RAD51B: variants seen among roughly 807,000 people sequenced by gnomAD.
RAD51B encodes the protein RAD51 paralog B.
Under a neutral mutation model 42.2 loss-of-function variants are expected in RAD51B, and 38 were observed. That is an observed-to-expected ratio of 0.90 (90% CI 0.70 to 1.18). The LOEUF is 1.18. Among genes scored for constraint, RAD51B ranks in the 50% most tolerant of loss-of-function variants. RAD51B has a pLI of 0.00. For synonymous variants in RAD51B, 154 were observed against 145.2 expected (o/e 1.06, Z -0.43); for missense variants, 373 against 400.7 (o/e 0.93, Z 0.59).
chr14:68,552,737 T>G lies in RAD51B; in HGVS notation c.1037-41748T>G, dbSNP rs139478941. Among the ~76,000 whole-genome samples, 13 of 152,320 alleles carry G rather than the reference T, an allele frequency of 8.5e-5. No individual in the cohort carries two copies. The East Asian group carries it at 2.5e-3, about 29-fold the overall frequency. On this transcript the variant is annotated intron_variant, in intron 10 of 10. Coordinates refer to the RAD51B transcript ENST00000487270. Reference sequence around the variant, plus strand: ...GTAATAACACGTTTCTGTGGAGGCATTTCCATTCTCCACGCCTCAGTTCCC... The same window carrying G: ...GTAATAACACGTTTCTGTGGAGGCAGTTCCATTCTCCACGCCTCAGTTCCC...
At chr14:68,304,977 A>G (rs979225324) in intron 8 of RAD51B, among the ~76,000 whole-genome samples, 1 of 152,178 alleles carries the variant, frequency 6.6e-6, no homozygotes, top group Non-Finnish European at 1.5e-5. Context: ...ATAACCCATC[A>G]TTTTTTAGCA....
intron 7 of RAD51B, among the ~76,000 whole-genome samples, chr14:68,239,085 A>G (rs190353613): frequency 6.6e-6 from 1 of 152,356 alleles, no homozygotes; most frequent in Admixed American, 6.5e-5. Flanking sequence ...AAGTTCACAT[A>G]GATAACTAAG....
intron 8 of RAD51B, among the ~76,000 whole-genome samples, chr14:68,314,971 A>C (rs2082027428): frequency 6.6e-6 from 1 of 152,180 alleles, no homozygotes; most frequent in Non-Finnish European, 1.5e-5. Flanking sequence ...TGTGTATCTC[A>C]ACCAAGAAGA....
In RAD51B at chr14:68,348,727, G is replaced by A. The variant is rs1056149833; in HGVS notation, c.853+56747G>A. Among the ~76,000 whole-genome samples, 6 of 152,280 alleles carry A rather than the reference G, an allele frequency of 3.9e-5. No individual in the cohort carries two copies. The South Asian group carries it at 6.2e-4, about 16-fold the overall frequency. On this transcript the variant is annotated intron_variant, in intron 8 of 10. Transcript: ENST00000471583. ...ATCCTGGCTAACAGGGTGAAACCCC[G>A]TCTCTACTAAAATACAAAAAAATTA... is the stretch of plus-strand genomic sequence containing the variant.
chr14:68,166,279 A>G (rs1013754882), intron 7 of RAD51B, among the ~76,000 whole-genome samples: 2 of 151,604 alleles, frequency 1.3e-5, no homozygotes, highest in Admixed American at 1.3e-4. Context: ...TAAAGTTCTC[A>G]TAGTCCGAAG....
intron 10 of RAD51B, among the ~76,000 whole-genome samples, chr14:68,569,503 A>G (rs1566940736): frequency 1.3e-5 from 2 of 152,196 alleles, no homozygotes; most frequent in Admixed American, 6.5e-5. Flanking sequence ...TTTTCATTGT[A>G]TGGGGCTCAC....
At chr14:68,562,448 C>T in intron 10 of RAD51B, 13 of 982,548 alleles carry the variant, frequency 1.3e-5, no homozygotes, top group Non-Finnish European at 1.6e-5. Context: ...TTTGCCATGT[C>T]AGCTGTGGGG....
intron 5 of RAD51B, among the ~76,000 whole-genome samples, chr14:67,870,287 G>A (rs1331615737): frequency 3.3e-5 from 5 of 152,184 alleles, no homozygotes; most frequent in South Asian, 2.1e-4. Flanking sequence ...GTTGCAATCC[G>A]AATCTCTGAT....
chr14:68,351,206 T>C (rs529788258), intron 8 of RAD51B, among the ~76,000 whole-genome samples: 2 of 152,226 alleles, frequency 1.3e-5, no homozygotes, highest in South Asian at 2.1e-4. Flanking sequence ...CATAGGACAG[T>C]GGCATTTTGA....
intron 10 of RAD51B, among the ~76,000 whole-genome samples, chr14:68,543,505 A>G (rs1888072079): frequency 6.6e-6 from 1 of 152,246 alleles, no homozygotes; most frequent in African/African-American, 2.4e-5. Flanking sequence ...GGTTGGGTAC[A>G]AGATTAAATG....
intron 10 of RAD51B, among the ~76,000 whole-genome samples, chr14:68,491,238 T>TTCC (rs1216545002): frequency 1.3e-5 from 2 of 152,164 alleles, no homozygotes; most frequent in South Asian, 4.1e-4. Flanking sequence ...GCAGCCGCCC[T>TTCC]TCCTCCTCCT....
chr14:67,867,700 G>A (rs1309656531), intron 5 of RAD51B, among the ~76,000 whole-genome samples: 1 of 152,220 alleles, frequency 6.6e-6, no homozygotes, highest in South Asian at 2.1e-4. Flanking sequence ...TCATAGCGAG[G>A]AAGAAGTGGA....
chr14:68,411,283 C>A, intron 8 of RAD51B, 141 bp from the exon 9 acceptor site: 1 of 695,764 alleles, frequency 1.4e-6, no homozygotes, highest in Non-Finnish European at 2.5e-6. Context: ...TCCTACTTCA[C>A]TGATTCCTCA....
At chr14:67,893,492 ACACACACAC>A (rs1566945236) in intron 7 of RAD51B, among the ~76,000 whole-genome samples, 6 of 81,242 alleles carry the variant, frequency 7.4e-5, no homozygotes, top group African/African-American at 3.1e-4. Flanking sequence ...ACACACACAC[ACACACACAC>A]ACACACACAA....
At chr14:67,863,722 C>T (rs146522081) in intron 4 of RAD51B, among the ~76,000 whole-genome samples, 259 of 152,160 alleles carry the variant, frequency 1.7e-3, no homozygotes, top group African/African-American at 6.1e-3. Flanking sequence ...ATTTGGGCGC[C>T]ACAACTAATG....
chr14:68,677,605 C>G (rs899426919), intron 11 of RAD51B, among the ~76,000 whole-genome samples: 2 of 152,170 alleles, frequency 1.3e-5, no homozygotes, highest in African/African-American at 4.8e-5. Context: ...AACCTTGTGT[C>G]CTTTATTCTT....
At chr14:68,015,748 T>A (rs1021724230) in intron 7 of RAD51B, among the ~76,000 whole-genome samples, 1 of 152,122 alleles carries the variant, frequency 6.6e-6, no homozygotes, top group Non-Finnish European at 1.5e-5. Context: ...CCAAACCATA[T>A]CAGGTGGAGA....
chr14:68,566,901 G>A (rs1889449030), intron 10 of RAD51B, among the ~76,000 whole-genome samples: 1 of 152,010 alleles, frequency 6.6e-6, no homozygotes, highest in Non-Finnish European at 1.5e-5. Context: ...ACCAGCAATG[G>A]CCAGGCCATG....
intron 7 of RAD51B, among the ~76,000 whole-genome samples, chr14:68,108,725 A>G (rs951489834): frequency 8.6e-5 from 13 of 151,924 alleles, no homozygotes; most frequent in Non-Finnish European, 1.9e-4. Context: ...AGCACTCTAA[A>G]AACACTGAAT....
Sources: gnomAD v4.1 joint callset for allele counts (sites outside exome capture counted in the v4.1 genomes callset) on GRCh38, gnomAD v4.1.1 for gene constraint, MANE v1.5 for transcripts, NCBI Gene and HGNC (gene_info 2026-07-23, HGNC 2026-07-21) for gene names.